The following KLF5 variants were observed in gnomAD, a reference collection of about 807,000 sequenced individuals.
The protein encoded by KLF5 is Krueppel-like factor 5.
In KLF5, 9 loss-of-function variants were observed where a neutral mutation model predicts 36.9. The observed-to-expected ratio is 0.24, with a 90% CI of 0.15 to 0.43. KLF5 has a LOEUF of 0.43. KLF5 is among the 20% of genes least tolerant of loss of function. KLF5 has a pLI of 1.00. For missense variants in KLF5, 524 were observed against 599.5 expected (o/e 0.87, Z 1.31); for synonymous variants, 246 against 241.7 (o/e 1.02, Z -0.17).
upstream of KLF5, chr13:73,055,210 G>A (rs892534879): frequency 6.6e-6 from 1 of 152,054 alleles, no homozygotes; most frequent in African/African-American, 2.4e-5. Context: ...AATTAGGCTA[G>A]ATAAATTATA....
intron 3 of KLF5, among the ~76,000 whole-genome samples, chr13:73,074,335 G>A (rs1362503963): frequency 2.6e-5 from 4 of 152,198 alleles, no homozygotes; most frequent in African/African-American, 4.8e-5. Context: ...TTTCTGTTTC[G>A]TCAGAACTAA....
intron 3 of KLF5, among the ~76,000 whole-genome samples, chr13:73,069,327 T>C (rs1306779702): frequency 6.6e-6 from 1 of 152,208 alleles, no homozygotes; most frequent in East Asian, 1.9e-4. Context: ...ATAATAGTGG[T>C]TAAATGTGTA....
intron 1 of KLF5, 35 bp from the exon 2 acceptor site, chr13:73,061,826 G>GGT: frequency 6.3e-7 from 1 of 1,587,542 alleles, no homozygotes; most frequent in South Asian, 1.1e-5. Flanking sequence ...TGGTGAATCA[G>GGT]GTGGATTATG....
intron 3 of KLF5, among the ~76,000 whole-genome samples, chr13:73,074,754 C>T (rs1177579059): frequency 6.6e-6 from 1 of 152,136 alleles, no homozygotes; most frequent in Non-Finnish European, 1.5e-5. Flanking sequence ...GGGAAGAGAA[C>T]TGTGAAAGAA....
chr13:73,058,057 GTAA>G, upstream of KLF5, among the ~76,000 whole-genome samples: 1 of 152,332 alleles, frequency 6.6e-6, no homozygotes, highest in Non-Finnish European at 1.5e-5. Context: ...ACAATGTGAG[GTAA>G]ATGTGCTAGG....
intron 3 of KLF5, among the ~76,000 whole-genome samples, chr13:73,064,845 A>T (rs2044668112): frequency 6.6e-6 from 1 of 152,180 alleles, no homozygotes; most frequent in Non-Finnish European, 1.5e-5. Flanking sequence ...CCCGACCAGC[A>T]CTTTTAAGAG....
chr13:73,071,449 AAATGTGTG>A (rs1257656641), intron 3 of KLF5, among the ~76,000 whole-genome samples: 1 of 152,198 alleles, frequency 6.6e-6, no homozygotes, highest in Non-Finnish European at 1.5e-5. Context: ...CAAGTATAGG[AAATGTGTG>A]ACAATGAGTT....
At chr13:73,065,007 T>C (rs2044669247) in intron 3 of KLF5, among the ~76,000 whole-genome samples, 1 of 152,172 alleles carries the variant, frequency 6.6e-6, no homozygotes, top group African/African-American at 2.4e-5. Flanking sequence ...GAAAAGAACT[T>C]ATATAAAGTG....
At chr13:73,068,703 C>CAA (rs59878653) in intron 3 of KLF5, among the ~76,000 whole-genome samples, 64 of 93,038 alleles carry the variant, frequency 6.9e-4, no homozygotes, top group African/African-American at 1.4e-3. Context: ...GACTCCATCT[C>CAA]AAAAAAAAAA....
Position 73,059,154 on chromosome 13 carries a change from A to C in KLF5, c.-174A>C. On this transcript the variant is annotated 5_prime_UTR_variant, in exon 1 of 4. Coordinates refer to ENST00000377687, the MANE Select transcript of KLF5 (RefSeq NM_001730.5). Reference sequence around the variant, plus strand: ...TGGCGTTTACGTGTGGAAGAGCGGAAGAGTTTTGCTTTTCGTGCGCGCCTT... The same window carrying C: ...TGGCGTTTACGTGTGGAAGAGCGGACGAGTTTTGCTTTTCGTGCGCGCCTT... 29 of 475,006 alleles carry C rather than the reference A, an allele frequency of 6.1e-5. No individual in the cohort carries two copies. The highest frequency in any genetic ancestry group is 1.5e-4 in the South Asian group (2 of 13,626). The allele number at this position is 475,006 out of a possible 1,614,324, so 29.4% of individuals were successfully genotyped here. A position where few individuals can be genotyped will look rare whatever the true frequency, so the allele number is the denominator to read the frequency against.
rs950751041 is a variant in KLF5, at chr13:73,062,820, C to T, written c.1135+86C>T. On this transcript the variant is annotated intron_variant, in intron 2 of 3. Transcript: ENST00000377687. ...GTGCGCGCGCGTGTGCGTGTGTGCA[C>T]GCGCGTGCCCTTTTCAACCTCATGG... 43 of 1,192,482 alleles carry T rather than the reference C, an allele frequency of 3.6e-5. 1 individual carries two copies. The Middle Eastern group carries it at 6.0e-4, about 17-fold the overall frequency. The allele number at this position is 1,192,482 out of a possible 1,614,324, so 73.9% of individuals were successfully genotyped here.
rs2139122539 is a variant in KLF5 at position 73,077,382 on chromosome 13, T to G, written c.*1496T>G. 6.5e-6 allele frequency: 1 copy of G among 152,814 alleles called. No individual in the cohort carries two copies. Among genetic ancestry groups the G allele is most frequent in the South Asian group, 2.1e-4 (1 of 4,834 alleles). The allele number at this position is 152,814 out of a possible 1,614,324, so 9.5% of individuals were successfully genotyped here. A position where few individuals can be genotyped will look rare whatever the true frequency, so the allele number is the denominator to read the frequency against. The stretch of plus-strand genomic sequence containing the variant: ...TACATGAAAAGCAGAAATCGGTTGC[T>G]GTTTTGCTTCTTTTTCCCTCTTATT... On this transcript the variant is annotated 3_prime_UTR_variant, in exon 4 of 4. Transcript: ENST00000377687.
In KLF5 at chr13:73,059,252, C is replaced by T; in HGVS notation, c.-76C>T. 1.6e-6 allele frequency: 2 copies of T among 1,249,578 alleles called. No individual in the cohort carries two copies. The highest frequency in any genetic ancestry group is 2.7e-5 in the South Asian group (1 of 37,038). 77.4% of individuals were successfully genotyped at this position (1,249,578 alleles called of 1,614,324 possible). The stretch of plus-strand genomic sequence containing the variant: ...CCTCCGCCGGCAGCCCCGCGCTGAG[C>T]TCGCCGACCCAAGCCAGCGTGGGCG... On this transcript the variant is annotated 5_prime_UTR_variant, in exon 1 of 4. Transcript: ENST00000377687.
At position 73,062,634 on chromosome 13, in the gene KLF5, C is replaced by T. The variant is rs762813443; in HGVS notation, c.1035C>T (p.Thr345=). ...CAATTCACAATCCAAATTTACCCACCACCCTGCCAGTTAACTCACAAAACA... is the reference window on the plus strand; with the variant it reads ...CAATTCACAATCCAAATTTACCCACTACCCTGCCAGTTAACTCACAAAACA... ...KLAIHNPNLP[T]TLPVNSQNIQ... is the part of the protein sequence containing the mutation. Residue 345 remains threonine, a synonymous_variant, in exon 2 of 4, where the codon ACC becomes ACT. Transcript: ENST00000377687. 7 of 1,614,034 alleles carry T rather than the reference C, an allele frequency of 4.3e-6. No individual in the cohort carries two copies. The highest frequency in any genetic ancestry group is 5.9e-6 in the Non-Finnish European group (7 of 1,180,018).
chr13:73,063,525 T>C (rs1019264921), intron 2 of KLF5, among the ~76,000 whole-genome samples: 1 of 152,166 alleles, frequency 6.6e-6, no homozygotes, highest in East Asian at 1.9e-4. Flanking sequence ...AAAAAACATA[T>C]AGCAGCTCTT....
At chr13:73,070,016 G>T (rs539364129) in intron 3 of KLF5, among the ~76,000 whole-genome samples, 1 of 152,252 alleles carries the variant, frequency 6.6e-6, no homozygotes, top group South Asian at 2.1e-4. Flanking sequence ...CGTTTCTAGT[G>T]AAAGATTAGA....
chr13:73,072,138 A>G (rs1267734013), intron 3 of KLF5, among the ~76,000 whole-genome samples: 1 of 152,100 alleles, frequency 6.6e-6, no homozygotes, highest in African/African-American at 2.4e-5. Context: ...CATTTTAGGG[A>G]AAGGCCTTGG....
chr13:73,076,055 C>A lies in KLF5; in HGVS notation c.*169C>A. On this transcript the variant is annotated 3_prime_UTR_variant, in exon 4 of 4. Transcript: ENST00000377687. ...AACAGGGAATACATTGTATTAATAC[C>A]AAAGTGTTTGGTCATTTTAAGAATC... The A allele has an allele frequency of 1.9e-6, 1 of 532,818 alleles. No individual in the cohort carries two copies. Among genetic ancestry groups the A allele is most frequent in the Non-Finnish European group, 3.1e-6 (1 of 326,914 alleles). 33.0% of individuals were successfully genotyped at this position (532,818 alleles called of 1,614,324 possible).
chr13:73,062,797 G>C, intron 2 of KLF5, 63 bp downstream of exon 2: 1 of 1,434,560 alleles, frequency 7.0e-7, no homozygotes, highest in Non-Finnish European at 9.5e-7. Flanking sequence ...GTGTCTGTGT[G>C]CGCGCGCGTG....
Sources: allele counts gnomAD v4.1 joint callset (sites outside exome capture counted in the v4.1 genomes callset), GRCh38; gene constraint gnomAD v4.1.1; transcripts MANE v1.5; gene names NCBI Gene and HGNC (gene_info 2026-07-23, HGNC 2026-07-21).